Variants in SNAP47 observed in about 807,000 individuals in gnomAD.
SNAP47 encodes synaptosomal-associated protein 47.
In SNAP47, 20 loss-of-function variants were observed where a neutral mutation model predicts 31.4. The observed-to-expected ratio is 0.64, with a 90% CI of 0.45 to 0.93. SNAP47 has a LOEUF of 0.93. Ranked by LOEUF, SNAP47 falls within the 40% of genes least tolerant of loss-of-function variation. The pLI is 0.00. For missense variants in SNAP47, 492 were observed against 528.5 expected (o/e 0.93, Z 0.68); for synonymous variants, 194 against 213.4 (o/e 0.91, Z 0.79).
At chr1:227,775,470 C>T (rs1212866581) in intron 4 of SNAP47, among the ~76,000 whole-genome samples, 5 of 152,186 alleles carry the variant, frequency 3.3e-5, no homozygotes, top group Non-Finnish European at 5.9e-5. Flanking sequence ...TGCCGCACTC[C>T]GGCGTCGCGA....
intron 2 of SNAP47, among the ~76,000 whole-genome samples, chr1:227,758,671 T>C (rs1662848173): frequency 6.6e-6 from 1 of 152,168 alleles, no homozygotes; most frequent in African/African-American, 2.4e-5. Flanking sequence ...TAAGTACAGG[T>C]TTCATTTTGA....
chr1:227,775,883 A>G (rs1281250094), intron 4 of SNAP47: 26 of 1,303,578 alleles, frequency 2.0e-5, no homozygotes, highest in Non-Finnish European at 2.6e-5. Flanking sequence ...CTTTCCTAGC[A>G]GGGCAGCAAG....
chr1:227,757,727 A>G (rs550606938), intron 2 of SNAP47, among the ~76,000 whole-genome samples: 3 of 152,348 alleles, frequency 2.0e-5, no homozygotes, highest in South Asian at 2.1e-4. Context: ...GTGACAGTCA[A>G]AGGTTCAACT....
chr1:227,768,434 G>A (rs1663577725), intron 4 of SNAP47: 1 of 551,180 alleles, frequency 1.8e-6, no homozygotes, highest in Non-Finnish European at 2.3e-6. Context: ...CTCTGCCCAT[G>A]TCCACCAGGA....
intron 1 of SNAP47, among the ~76,000 whole-genome samples, chr1:227,737,591 G>C (rs1369536892): frequency 6.6e-6 from 1 of 152,230 alleles, no homozygotes. Context: ...ACTCTTATAA[G>C]TGGGGATATG....
At chr1:227,733,872 C>T (rs756674096), upstream of SNAP47, 3 of 1,611,348 alleles carry the variant, frequency 1.9e-6, no homozygotes, top group Non-Finnish European at 2.5e-6. Flanking sequence ...GTCACCAGGC[C>T]CCTTCGGGTT....
At chr1:227,765,846 G>A (rs1198953570) in intron 3 of SNAP47, among the ~76,000 whole-genome samples, 2 of 152,164 alleles carry the variant, frequency 1.3e-5, no homozygotes, top group Admixed American at 6.5e-5. Context: ...CTGCTCAGCC[G>A]GGTGCTGTCA....
chr1:227,759,495 C>A lies in SNAP47; in HGVS notation c.988+10C>A, dbSNP rs1396412465. 6.2e-7 allele frequency: 1 copy of A among 1,612,022 alleles called. No homozygotes were observed. Among genetic ancestry groups the A allele is most frequent in the South Asian group, 1.1e-5 (1 of 90,940 alleles). Reference sequence around the variant, plus strand: ...TCAGTCTGGCATGCAGGTTAGTGACCGACAAGGCAGTGAGCGCGTGCACAG... The same window carrying A: ...TCAGTCTGGCATGCAGGTTAGTGACAGACAAGGCAGTGAGCGCGTGCACAG... On this transcript the variant is annotated intron_variant, in intron 3 of 4. Coordinates refer to ENST00000617596, the MANE Select transcript of SNAP47 (RefSeq NM_053052.4).
At position 227,780,563 on chromosome 1, in the gene SNAP47, G is replaced by A. The variant is rs759692718; in HGVS notation, c.1150G>A (p.Glu384Lys). The change falls in exon 5 of 5, where the codon GAG becomes AAG. Residue 384 changes from glutamate to lysine, a missense_variant. Transcript: ENST00000617596. ...RRMKGLALEA[E>K]SELERQDEAL... is the part of the protein sequence containing the mutation. The stretch of plus-strand genomic sequence containing the variant: ...GATGAAGGGGCTGGCCCTGGAGGCC[G>A]AGAGTGAGCTGGAGAGACAAGACGA... The A allele has an allele frequency of 1.9e-5, 30 of 1,614,082 alleles. No individual in the cohort carries two copies. Among genetic ancestry groups the A allele is most frequent in the Middle Eastern group, 1.6e-4 (1 of 6,084 alleles).
intron 4 of SNAP47, among the ~76,000 whole-genome samples, chr1:227,767,500 A>G (rs757675239): frequency 2.6e-5 from 4 of 152,158 alleles, no homozygotes; most frequent in Non-Finnish European, 2.9e-5. Flanking sequence ...TTATGCATGT[A>G]CTTGTACTGT....
chr1:227,738,713 A>G (rs149521177), intron 1 of SNAP47, among the ~76,000 whole-genome samples: 268 of 152,278 alleles, frequency 1.8e-3, no homozygotes, highest in Non-Finnish European at 2.8e-3. Flanking sequence ...TGGGAGGCCA[A>G]TGGGGAAGAT....
At chr1:227,733,597 T>TG, upstream of SNAP47, 2 of 1,607,622 alleles carry the variant, frequency 1.2e-6, no homozygotes, top group Admixed American at 1.7e-5. Flanking sequence ...CTTCCTGCCC[T>TG]GGGGGGAAGA....
rs919920545 is a variant in SNAP47, at chr1:227,763,652, G to C, written c.989-3307G>C. The stretch of plus-strand genomic sequence containing the variant: ...GGCCTGGAGCCTATCAGAGGATGCC[G>C]CTCAGCCCCCACCTGCGCGTGCGTA... On this transcript the variant is annotated intron_variant, in intron 3 of 4. Transcript: ENST00000617596. This position sits in a 1 kb window ranked among gnomAD's most constrained non-coding sequence, Gnocchi z 4.2. 6.6e-6 allele frequency among the ~76,000 whole-genome samples: 1 copy of C among 152,166 alleles called. No homozygotes were observed. The highest frequency in any genetic ancestry group is 2.4e-5 in the African/African-American group (1 of 41,446).
rs900598796 is a variant in SNAP47, at chr1:227,741,012, G to A, written c.-46+5513G>A. The stretch of plus-strand genomic sequence containing the variant: ...TTAGGGTCAGGGACAGATGCCCAGC[G>A]GGTGATAGGGGAGGGCCTGTGAAGT... On this transcript the variant is annotated intron_variant, in intron 1 of 4. Transcript: ENST00000617596. This position sits in a 1 kb window ranked among gnomAD's most constrained non-coding sequence, Gnocchi z 4.2. Among the ~76,000 whole-genome samples the A allele has an allele frequency of 2.7e-5, 4 of 148,094 alleles. No individual in the cohort carries two copies. The highest frequency in any genetic ancestry group is 1.3e-4 in the Admixed American group (2 of 15,100).
chr1:227,773,584 G>A (rs184757877), intron 4 of SNAP47, among the ~76,000 whole-genome samples: 1 of 152,212 alleles, frequency 6.6e-6, no homozygotes, highest in Non-Finnish European at 1.5e-5. Context: ...CACACCCAGG[G>A]CCGCGTCCAG....
chr1:227,733,514 T>G, upstream of SNAP47: 3 of 1,600,854 alleles, frequency 1.9e-6, no homozygotes, highest in Non-Finnish European at 1.7e-6. Flanking sequence ...GTTCCGTGGG[T>G]GCAGGTGTGT....
At chr1:227,734,060 G>T, upstream of SNAP47, 1 of 1,606,052 alleles carries the variant, frequency 6.2e-7, no homozygotes. Context: ...GGGCACCACC[G>T]ACAGCACGTG....
chr1:227,740,127 G>A (rs1324099096), intron 1 of SNAP47, among the ~76,000 whole-genome samples: 1 of 152,216 alleles, frequency 6.6e-6, no homozygotes, highest in Non-Finnish European at 1.5e-5. Context: ...AGTTTTGCTT[G>A]GGCCATGGTT....
At chr1:227,764,106 C>A (rs961832044) in intron 3 of SNAP47, among the ~76,000 whole-genome samples, 1 of 152,216 alleles carries the variant, frequency 6.6e-6, no homozygotes, top group Non-Finnish European at 1.5e-5. Flanking sequence ...GTCACCCCAC[C>A]CTTCTTGCTG....
Sources: gnomAD v4.1 joint callset for allele counts (sites outside exome capture counted in the v4.1 genomes callset) on GRCh38, gnomAD v4.1.1 for gene constraint, Gnocchi (gnomAD v3.1) non-coding constraint, MANE v1.5 for transcripts, NCBI Gene and HGNC (gene_info 2026-07-23, HGNC 2026-07-21) for gene names.